ERRFI1: variants seen among roughly 807,000 people sequenced by gnomAD.
ERRFI1 encodes the protein mitogen-inducible gene 6 protein.
ERRFI1 carries 12 observed loss-of-function variants against 14.6 expected under a neutral mutation model. The ratio of observed to expected loss-of-function variants is 0.82; its 90% CI spans 0.53 to 1.33. ERRFI1 has a LOEUF of 1.33. ERRFI1 is among the 40% of genes most tolerant of loss of function. ERRFI1 has a pLI of 0.00. For missense variants in ERRFI1, 482 were observed against 572.1 expected, an observed-to-expected ratio of 0.84 and a Z score of 1.61; for synonymous variants, 202 against 209.9, an observed-to-expected ratio of 0.96 and a Z score of 0.32.
chr1:8,014,302 TGGG>T lies in ERRFI1; in HGVS notation c.294_296del (p.Pro99del), dbSNP rs774238432. The T allele has an allele frequency of 3.7e-6, 6 of 1,613,840 alleles. No individual in the cohort carries two copies. Among genetic ancestry groups the T allele is most frequent in the Non-Finnish European group, 5.1e-6 (6 of 1,179,872 alleles). ...CTTCATGTGGTCCCAAGTTTTCACT[TGGG>T]GGAATAAGAAGAGGGGGCAAGCTGG... On this transcript the variant is annotated inframe_deletion, in exon 4 of 4. Transcript: ENST00000377482.
At chr1:8,025,720 C>T (rs539235996) in intron 1 of ERRFI1, among the ~76,000 whole-genome samples, 7 of 152,306 alleles carry the variant, frequency 4.6e-5, no homozygotes, top group Non-Finnish European at 1.5e-5. Context: ...CGGGCAACCC[C>T]GCGAGCGCAG....
chr1:8,019,844 T>G (rs1181811189), intron 1 of ERRFI1, among the ~76,000 whole-genome samples: 1 of 152,206 alleles, frequency 6.6e-6, no homozygotes, highest in Non-Finnish European at 1.5e-5. Flanking sequence ...TGTAGCTTTC[T>G]AAACTGGTTT....
Position 8,013,133 on chromosome 1 carries a change from C to G in ERRFI1, c.*77G>C. 7.8e-7 allele frequency: 1 copy of G among 1,280,892 alleles called. No individual in the cohort carries two copies. 79.3% of individuals were successfully genotyped at this position (1,280,892 alleles called of 1,614,324 possible). A position where few individuals can be genotyped will look rare whatever the true frequency, so the allele number is the denominator to read the frequency against. On this transcript the variant is annotated 3_prime_UTR_variant, in exon 4 of 4. Transcript: ENST00000377482. This position sits in a 1 kb window ranked among gnomAD's most constrained non-coding sequence, Gnocchi z 4.3. ...TTATTTTGCAATCTAAGGGATTTTT[C>G]TCTGCACTTCAATCAAACTGGAAAA...
intron 3 of ERRFI1, 125 bp downstream of exon 3, chr1:8,015,183 G>T: frequency 1.3e-6 from 1 of 784,196 alleles, no homozygotes; most frequent in East Asian, 2.6e-5. Context: ...GCCACTAGGG[G>T]TCAGGCTGTT....
chr1:8,019,549 T>C (rs1301467889), intron 1 of ERRFI1, among the ~76,000 whole-genome samples: 1 of 152,194 alleles, frequency 6.6e-6, no homozygotes, highest in Non-Finnish European at 1.5e-5. Flanking sequence ...TTGGCATCAT[T>C]CATGTCTATT....
At chr1:8,022,524 G>C (rs1177829628) in intron 1 of ERRFI1, among the ~76,000 whole-genome samples, 2 of 152,220 alleles carry the variant, frequency 1.3e-5, no homozygotes, top group East Asian at 3.8e-4. Context: ...AACAAAGTGA[G>C]GTTAAATATC....
rs755538852 is a variant in ERRFI1 at position 8,013,473 on chromosome 1, C to A, written c.1126G>T (p.Val376Phe). 6.2e-7 allele frequency: 1 copy of A among 1,614,030 alleles called. No homozygotes were observed. The highest frequency in any genetic ancestry group is 1.3e-5 in the African/African-American group (1 of 74,910). ...RQNSEGSASK[V>F]PCILPIIENG... ...TCAATAATGGGCAGAATGCAAGGAA[C>A]CTTACTGGCAGATCCTTCGCTGTTC... Residue 376 changes from valine (V) to phenylalanine (F), a missense_variant, in exon 4 of 4, where the codon GTT (valine) becomes TTT (phenylalanine). Physicochemically the swap from Val to Phe is conservative, Grantham distance 50 (BLOSUM62 -1). Transcript: ENST00000377482. The surrounding 1 kb of genome is among the most constrained non-coding windows in gnomAD (Gnocchi z 4.3).
intron 1 of ERRFI1, among the ~76,000 whole-genome samples, chr1:8,021,641 A>C (rs1442848564): frequency 6.6e-6 from 1 of 152,012 alleles, no homozygotes; most frequent in Non-Finnish European, 1.5e-5. Flanking sequence ...TGTTACAATT[A>C]ATATAAAACC....
intron 1 of ERRFI1, among the ~76,000 whole-genome samples, chr1:8,017,818 C>T (rs1641200344): frequency 6.6e-6 from 1 of 152,174 alleles, no homozygotes. Context: ...GTGTCAGCCT[C>T]CTAATGCCAT....
intron 1 of ERRFI1, among the ~76,000 whole-genome samples, chr1:8,022,195 G>T (rs1330658203): frequency 6.6e-6 from 1 of 152,094 alleles, no homozygotes; most frequent in East Asian, 1.9e-4. Context: ...AGTCTTTAAC[G>T]ATCCACGGAT....
rs1319362763 is a variant in ERRFI1, at chr1:8,013,461, G to C, written c.1138C>G (p.Leu380Val). 1 of 1,614,242 alleles carries C rather than the reference G, an allele frequency of 6.2e-7. No individual in the cohort carries two copies. Among genetic ancestry groups the C allele is most frequent in the Non-Finnish European group, 8.5e-7 (1 of 1,180,052 alleles). The change falls in exon 4 of 4, where the codon CTG (leucine) becomes GTG (valine). Residue 380 changes from leucine to valine, a missense_variant. Transcript: ENST00000377482. This position sits in a 1 kb window ranked among gnomAD's most constrained non-coding sequence, Gnocchi z 4.3. Reference protein sequence around the residue: ...EGSASKVPCILPIIENGKKVS... With the variant: ...EGSASKVPCIVPIIENGKKVS... ...TTCTTCCCATTTTCAATAATGGGCA[G>C]AATGCAAGGAACCTTACTGGCAGAT...
intron 2 of ERRFI1, 31 bp downstream of exon 2, chr1:8,015,464 A>G: frequency 1.2e-6 from 2 of 1,614,120 alleles, no homozygotes; most frequent in Non-Finnish European, 1.7e-6. Flanking sequence ...ATATTTATCC[A>G]GATTACAGCA....
At chr1:8,020,551 A>ATTT (rs1557467071) in intron 1 of ERRFI1, among the ~76,000 whole-genome samples, 1 of 117,130 alleles carries the variant, frequency 8.5e-6, no homozygotes, top group African/African-American at 3.3e-5. Context: ...AAAAAACACC[A>ATTT]ATTTTTTTTT....
intron 3 of ERRFI1, chr1:8,014,655 T>C: frequency 2.2e-6 from 1 of 444,784 alleles, no homozygotes; most frequent in Admixed American, 3.9e-5. Context: ...CACCCACACA[T>C]CACAGGCAAG....
chr1:8,013,456 G>A lies in ERRFI1; in HGVS notation c.1143C>T (p.Pro381=). 6.2e-7 allele frequency: 1 copy of A among 1,614,192 alleles called. No individual in the cohort carries two copies. Among genetic ancestry groups the A allele is most frequent in the Non-Finnish European group, 8.5e-7 (1 of 1,180,036 alleles). ...TAACCTTCTTCCCATTTTCAATAATGGGCAGAATGCAAGGAACCTTACTGG... is the reference window on the plus strand; with the variant it reads ...TAACCTTCTTCCCATTTTCAATAATAGGCAGAATGCAAGGAACCTTACTGG... ...GSASKVPCIL[P]IIENGKKVSS... The change falls in exon 4 of 4, where the codon CCC becomes CCT. Residue 381 remains proline (P), a synonymous_variant. Coordinates refer to ENST00000377482, the MANE Select transcript of ERRFI1 (RefSeq NM_018948.4). This position sits in a 1 kb window ranked among gnomAD's most constrained non-coding sequence, Gnocchi z 4.3.
chr1:8,017,688 T>C (rs533623037), intron 1 of ERRFI1, among the ~76,000 whole-genome samples: 1 of 152,258 alleles, frequency 6.6e-6, no homozygotes, highest in South Asian at 2.1e-4. Flanking sequence ...GGTATTTAAG[T>C]AGTTTGAAAG....
At chr1:8,020,324 T>C (rs1188617758) in intron 1 of ERRFI1, among the ~76,000 whole-genome samples, 1 of 152,134 alleles carries the variant, frequency 6.6e-6, no homozygotes, top group Non-Finnish European at 1.5e-5. Flanking sequence ...GTCTTTTCAG[T>C]TCCATTTAAG....
Position 8,015,581 on chromosome 1 carries a change from G to C in ERRFI1, c.39C>G (p.Val13=), listed in dbSNP as rs749161578. ...IAGVAAQEIR[V]PLKTGFLHNG... ...TATGTAGAAATCCAGTTTTTAATGG[G>C]ACTCTGATCTCCTGAGCAGCAACTC... is the stretch of plus-strand genomic sequence containing the variant. The change falls in exon 2 of 4, where the codon GTC becomes GTG. Residue 13 remains valine, a synonymous_variant. Transcript: ENST00000377482. The C allele has an allele frequency of 6.2e-7, 1 of 1,613,984 alleles. No homozygotes were observed. The highest frequency in any genetic ancestry group is 8.5e-7 in the Non-Finnish European group (1 of 1,179,998).
At chr1:8,016,487 A>T (rs750455866) in intron 1 of ERRFI1, among the ~76,000 whole-genome samples, 1 of 152,226 alleles carries the variant, frequency 6.6e-6, no homozygotes, top group African/African-American at 2.4e-5. Flanking sequence ...CAAGGCATGG[A>T]TAACAAAATA....
Sources: gnomAD v4.1 joint callset for allele counts (sites outside exome capture counted in the v4.1 genomes callset) on GRCh38, gnomAD v4.1.1 for gene constraint, Gnocchi (gnomAD v3.1) non-coding constraint, MANE v1.5 for transcripts, NCBI Gene and HGNC (gene_info 2026-07-23, HGNC 2026-07-21) for gene names.